Variants in KLF12 observed in about 807,000 individuals in gnomAD.
KLF12 encodes KLF transcription factor 12.
In KLF12, 9 loss-of-function variants were observed where a neutral mutation model predicts 37.8. The observed-to-expected ratio is 0.24, with a 90% CI of 0.14 to 0.42. The LOEUF is 0.42. KLF12 is among the 10% of genes least tolerant of loss of function. The probability of loss-of-function intolerance (pLI) is 1.00; values close to 1 mark genes in which losing one functional copy is unlikely to be tolerated. For missense variants in KLF12, 411 were observed against 516.0 expected (o/e 0.80, Z 1.97); for synonymous variants, 208 against 202.1 (o/e 1.03, Z -0.25).
chr13:73,833,827 G>A (rs183632928), intron 4 of KLF12, among the ~76,000 whole-genome samples: 12 of 152,226 alleles, frequency 7.9e-5, no homozygotes, highest in African/African-American at 1.7e-4. Context: ...ATGTGAGGAC[G>A]TGCGGAGGCT....
In KLF12 at chr13:73,695,594, G is replaced by A. The variant is rs1874089710; in HGVS notation, c.1105C>T (p.Arg369Cys). ...AATGGCTTCACTCCCGTATGTTTGC[G>A]GTAATGCCTCGTCAGTTCATCTGAA... The change falls in exon 8 of 8, where the codon CGC (arginine) becomes TGC (cysteine). Residue 369 changes from arginine (R) to cysteine (C), a missense_variant. Physicochemically the swap from Arg to Cys is radical, Grantham distance 180 (BLOSUM62 -3). Around this residue, in one of 2 missense-constraint regions of KLF12, gnomAD observed 60 missense variants for 118.2 expected, o/e 0.51. Transcript: ENST00000377669. 6.2e-7 allele frequency: 1 copy of A among 1,614,078 alleles called. No individual in the cohort carries two copies. Among genetic ancestry groups the A allele is most frequent in the Non-Finnish European group, 8.5e-7 (1 of 1,179,978 alleles).
intron 3 of KLF12, among the ~76,000 whole-genome samples, chr13:73,908,769 C>T (rs1466798223): frequency 1.3e-5 from 2 of 152,040 alleles, no homozygotes; most frequent in African/African-American, 2.4e-5. Context: ...CGTGAGCTAC[C>T]GCGCCTGGCC....
chr13:74,203,281 C>T, the KLF12 span, among the ~76,000 whole-genome samples: 1 of 152,016 alleles, frequency 6.6e-6, no homozygotes, highest in Non-Finnish European at 1.5e-5. Context: ...GATTGCAGAT[C>T]TCAATCTGTT....
intron 1 of KLF12, among the ~76,000 whole-genome samples, chr13:74,041,733 C>CA (rs1566515048): frequency 3.4e-5 from 5 of 147,854 alleles, no homozygotes; most frequent in South Asian, 2.1e-4. Flanking sequence ...CACACACACA[C>CA]CCCTTCAAAA....
the KLF12 span, among the ~76,000 whole-genome samples, chr13:74,272,088 C>T: frequency 6.6e-6 from 1 of 152,122 alleles, no homozygotes; most frequent in Non-Finnish European, 1.5e-5. Flanking sequence ...ATATTGCCAT[C>T]ATAAATAAAA....
intron 3 of KLF12, among the ~76,000 whole-genome samples, chr13:73,894,781 A>G (rs935835914): frequency 6.6e-6 from 1 of 152,218 alleles, no homozygotes; most frequent in Non-Finnish European, 1.5e-5. Flanking sequence ...GACTTTTTCC[A>G]TTAAATATAC....
At chr13:74,258,645 C>G in the KLF12 span, 6 of 152,244 alleles carry the variant, frequency 3.9e-5, no homozygotes, top group Admixed American at 2.0e-4. Flanking sequence ...GAAGTGTTAT[C>G]TTTGTTATCA....
At chr13:74,217,638 A>G in the KLF12 span, among the ~76,000 whole-genome samples, 1 of 152,068 alleles carries the variant, frequency 6.6e-6, no homozygotes, top group East Asian at 1.9e-4. Flanking sequence ...GAGGCAGGAG[A>G]ATTGCTTGAA....
chr13:74,240,589 CG>C, the KLF12 span, among the ~76,000 whole-genome samples: 1 of 70,640 alleles, frequency 1.4e-5, no homozygotes, highest in Non-Finnish European at 2.7e-5. Context: ...ACCAATCAGA[CG>C]TAGATTTGGT....
intron 3 of KLF12, among the ~76,000 whole-genome samples, chr13:73,943,449 T>A (rs897617939): frequency 6.6e-5 from 10 of 152,234 alleles, no homozygotes; most frequent in African/African-American, 2.4e-4. Context: ...TTTGGCTATG[T>A]ACTGTTAAAT....
At chr13:73,782,736 T>G (rs900549977) in intron 5 of KLF12, among the ~76,000 whole-genome samples, 3 of 152,218 alleles carry the variant, frequency 2.0e-5, no homozygotes, top group African/African-American at 7.2e-5. Context: ...CAAGTGACTT[T>G]AGTTTCTTTT....
intron 4 of KLF12, among the ~76,000 whole-genome samples, chr13:73,835,004 C>T (rs754839540): frequency 6.6e-6 from 1 of 151,550 alleles, no homozygotes. Context: ...TTTATTTCCA[C>T]TGAATAGAGT....
intron 6 of KLF12, among the ~76,000 whole-genome samples, chr13:73,761,490 C>A (rs191190655): frequency 4.9e-4 from 75 of 152,262 alleles, no homozygotes; most frequent in African/African-American, 1.8e-3. Context: ...ATCTCATTAT[C>A]CCTTATTTCC....
intron 3 of KLF12, among the ~76,000 whole-genome samples, chr13:73,886,547 G>A (rs1887230686): frequency 6.6e-6 from 1 of 152,234 alleles, no homozygotes; most frequent in South Asian, 2.1e-4. Flanking sequence ...GTGATGGGCT[G>A]ATCTGTGCAG....
intron 1 of KLF12, among the ~76,000 whole-genome samples, chr13:74,061,001 G>C (rs1873560887): frequency 6.6e-6 from 1 of 152,158 alleles, no homozygotes; most frequent in Non-Finnish European, 1.5e-5. Flanking sequence ...CTAGACCTTG[G>C]TCCCTGGGTT....
At chr13:74,170,891 A>G in the KLF12 span, among the ~76,000 whole-genome samples, 5 of 152,232 alleles carry the variant, frequency 3.3e-5, no homozygotes, top group East Asian at 9.6e-4. Context: ...CAGCCTCCCA[A>G]ATAGCTGGGA....
intron 5 of KLF12, among the ~76,000 whole-genome samples, chr13:73,791,879 C>G (rs1881706671): frequency 6.6e-6 from 1 of 152,196 alleles, no homozygotes; most frequent in African/African-American, 2.4e-5. Context: ...AGTTCATCGG[C>G]ATCATGCTGT....
At chr13:73,875,540 C>T (rs568904819) in intron 3 of KLF12, among the ~76,000 whole-genome samples, 2 of 152,198 alleles carry the variant, frequency 1.3e-5, no homozygotes, top group South Asian at 2.1e-4. Flanking sequence ...TTTGCAATTA[C>T]TACATGTCCT....
At chr13:73,940,392 A>G (rs1382399157) in intron 3 of KLF12, among the ~76,000 whole-genome samples, 1 of 152,146 alleles carries the variant, frequency 6.6e-6, no homozygotes, top group Admixed American at 6.5e-5. Flanking sequence ...TTATCTACCT[A>G]GCTTTCACTT....
Sources: gnomAD v4.1 joint callset for allele counts (sites outside exome capture counted in the v4.1 genomes callset) on GRCh38, gnomAD v4.1.1 for gene constraint, gnomAD v4.1.1 regional missense constraint, MANE v1.5 for transcripts, NCBI Gene and HGNC (gene_info 2026-07-23, HGNC 2026-07-21) for gene names.